Variants in HINT1 observed in about 807,000 individuals in gnomAD.
HINT1 encodes the protein adenosine 5'-monophosphoramidase HINT1.
HINT1 carries 12 observed loss-of-function variants against 11.2 expected under a neutral mutation model. The observed-to-expected ratio is 1.07, with a 90% CI of 0.69 to 1.74. The LOEUF (loss-of-function observed/expected upper bound fraction) is 1.74. HINT1 is among the 40% of genes most tolerant of loss of function. The pLI is 0.00. For missense variants in HINT1, 150 were observed against 161.8 expected (o/e 0.93, Z 0.40); for synonymous variants, 42 against 52.6 (o/e 0.80, Z 0.87).
At chr5:131,162,510 G>T (rs1380395584) in intron 2 of HINT1, 62 bp downstream of exon 2, 13 of 1,605,116 alleles carry the variant, frequency 8.1e-6, no homozygotes, top group African/African-American at 1.3e-5. Context: ...AGCACTTTAA[G>T]GACAAAATTA....
Position 131,165,092 on chromosome 5 carries a change from T to G in HINT1, c.111+3A>C. On this transcript the variant is annotated splice_donor_region_variant and intron_variant, in intron 1 of 2. Coordinates refer to ENST00000304043, the MANE Select transcript of HINT1 (RefSeq NM_005340.7). ...GGCGAGAGAGGTGGTGCCCAGTACCTACCCGGTCATCCTCAAAAATGATTT... is the reference window on the plus strand; with the variant it reads ...GGCGAGAGAGGTGGTGCCCAGTACCGACCCGGTCATCCTCAAAAATGATTT... 1 of 1,613,672 alleles carries G rather than the reference T, an allele frequency of 6.2e-7. No homozygotes were observed. The highest frequency in any genetic ancestry group is 1.1e-5 in the South Asian group (1 of 91,080).
chr5:131,161,678 G>A (rs533491674), intron 2 of HINT1, among the ~76,000 whole-genome samples: 2 of 151,730 alleles, frequency 1.3e-5, no homozygotes, highest in African/African-American at 2.4e-5. Context: ...TTAAGTACTC[G>A]CTCTAATCTT....
rs1755285566 is a variant in HINT1 at position 131,162,612 on chromosome 5, T to C, written c.176A>G (p.His59Arg). The change falls in exon 2 of 3, where the codon CAT (histidine) becomes CGT (arginine). Residue 59 changes from histidine to arginine, a missense_variant. His to Arg is a conservative substitution (Grantham distance 29, BLOSUM62 0). Coordinates refer to ENST00000304043, the MANE Select transcript of HINT1 (RefSeq NM_005340.7). Reference protein sequence around the residue: ...PTHFLVIPKKHISQISVAEDD... With the variant: ...PTHFLVIPKKRISQISVAEDD... ...TTCTGCCACAGAAATCTGGGATATA[T>C]GTTTCTTGGGTATCACCAGAAAATG... The C allele has an allele frequency of 6.2e-7, 1 of 1,613,552 alleles. No individual in the cohort carries two copies. Among genetic ancestry groups the C allele is most frequent in the Non-Finnish European group, 8.5e-7 (1 of 1,179,582 alleles).
At chr5:131,165,062 C>T (rs758841138) in intron 1 of HINT1, 33 bp downstream of exon 1, 3 of 1,613,152 alleles carry the variant, frequency 1.9e-6, no homozygotes, top group South Asian at 1.1e-5. Context: ...ATACCCACCT[C>T]AGCAGGCGAG....
rs140627344 is a variant in HINT1, at chr5:131,164,974, C to T, written c.111+121G>A. On this transcript the variant is annotated intron_variant, in intron 1 of 2. Transcript: ENST00000304043. ...TGGCTGGGGGCCCGCTGGACCAGGG[C>T]AGCCAGGTCCCCTCCCGTCGCCGCT... The T allele has an allele frequency of 2.2e-5, 31 of 1,413,764 alleles. 2 individuals carry two copies. In the South Asian group the frequency reaches 3.7e-4, roughly 17 times the overall value. The allele number at this position is 1,413,764 out of a possible 1,614,324, so 87.6% of individuals were successfully genotyped here. A position where few individuals can be genotyped will look rare whatever the true frequency, so the allele number is the denominator to read the frequency against.
intron 2 of HINT1, chr5:131,162,324 A>G (rs1755274027): frequency 1.3e-6 from 1 of 768,168 alleles, no homozygotes; most frequent in African/African-American, 1.8e-5. Flanking sequence ...GTCTCAAAAA[A>G]AAAAAAAAAA....
chr5:131,163,775 A>T (rs1040382705), intron 1 of HINT1, among the ~76,000 whole-genome samples: 10 of 152,228 alleles, frequency 6.6e-5, no homozygotes, highest in African/African-American at 2.4e-4. Context: ...CTGTAAATAC[A>T]CATATGACAT....
At chr5:131,162,356 G>A (rs754799220) in intron 2 of HINT1, 2 of 885,758 alleles carry the variant, frequency 2.3e-6, no homozygotes, top group South Asian at 2.9e-5. Flanking sequence ...GTGTTGATAA[G>A]GATACGGAGA....
intron 1 of HINT1, among the ~76,000 whole-genome samples, chr5:131,162,954 C>T (rs1355996756): frequency 1.3e-5 from 2 of 152,076 alleles, no homozygotes; most frequent in South Asian, 2.1e-4. Context: ...TCTCTTGCCT[C>T]GGCCTCCCAA....
In HINT1 at chr5:131,159,085, T is replaced by G. The variant is rs7715067; in HGVS notation, c.*362A>C. 9,855 of 160,644 alleles carry G rather than the reference T, an allele frequency of 0.061. 871 individuals are homozygous for G. Among genetic ancestry groups the G allele is most frequent in the African/African-American group, 0.2 (8,294 of 41,786 alleles). The allele number at this position is 160,644 out of a possible 1,614,324, so 10.0% of individuals were successfully genotyped here. A position where few individuals can be genotyped will look rare whatever the true frequency, so the allele number is the denominator to read the frequency against. On this transcript the variant is annotated 3_prime_UTR_variant, in exon 3 of 3. Coordinates refer to ENST00000304043, the MANE Select transcript of HINT1 (RefSeq NM_005340.7). Reference sequence around the variant, plus strand: ...TTGGACCTATTTTAGCCTGGAAAGATATTTCGAAGTTAAAGCTAAATTTAT... The same window carrying G: ...TTGGACCTATTTTAGCCTGGAAAGAGATTTCGAAGTTAAAGCTAAATTTAT...
At chr5:131,164,664 G>A (rs1262921275) in intron 1 of HINT1, among the ~76,000 whole-genome samples, 1 of 152,170 alleles carries the variant, frequency 6.6e-6, no homozygotes, top group African/African-American at 2.4e-5. Context: ...GCTGTGCGCG[G>A]GAGATCGCGG....
rs892299589 is a variant in HINT1 at position 131,159,389 on chromosome 5, T to C, written c.*58A>G. 2.3e-5 allele frequency: 35 copies of C among 1,512,250 alleles called. No individual in the cohort carries two copies. Among genetic ancestry groups the C allele is most frequent in the Non-Finnish European group, 2.6e-5 (29 of 1,101,392 alleles). The allele number at this position is 1,512,250 out of a possible 1,614,324, so 93.7% of individuals were successfully genotyped here. On this transcript the variant is annotated 3_prime_UTR_variant, in exon 3 of 3. Coordinates refer to ENST00000304043, the MANE Select transcript of HINT1 (RefSeq NM_005340.7). ...AAAATAAGTGTGTTACTTAACATAC[T>C]GGAAATTGCCTAACTTAATCATTGC...
intron 2 of HINT1, among the ~76,000 whole-genome samples, chr5:131,160,284 G>A (rs1224577364): frequency 1.3e-5 from 2 of 152,028 alleles, no homozygotes; most frequent in Non-Finnish European, 2.9e-5. Flanking sequence ...CTATTGCATT[G>A]TCGGGACTTG....
intron 2 of HINT1, among the ~76,000 whole-genome samples, chr5:131,160,276 A>G (rs1755217034): frequency 6.6e-6 from 1 of 152,128 alleles, no homozygotes; most frequent in Non-Finnish European, 1.5e-5. Flanking sequence ...TACCAGATCT[A>G]TTGCATTGTC....
chr5:131,165,119 G>T lies in HINT1; in HGVS notation c.87C>A (p.Ala29=). 6.2e-7 allele frequency: 1 copy of T among 1,613,582 alleles called. No homozygotes were observed. ...FGKIIRKEIP[A]KIIFEDDRCL... is the part of the protein sequence containing the mutation. Reference sequence around the variant, plus strand: ...CCCGGTCATCCTCAAAAATGATTTTGGCTGGTATTTCCTTGCGGATGATCT... The same window carrying T: ...CCCGGTCATCCTCAAAAATGATTTTTGCTGGTATTTCCTTGCGGATGATCT... Residue 29 remains alanine (A), a synonymous_variant, in exon 1 of 3, where the codon GCC becomes GCA. Coordinates refer to ENST00000304043, the MANE Select transcript of HINT1 (RefSeq NM_005340.7).
chr5:131,162,532 TA>T, intron 2 of HINT1, 39 bp downstream of exon 2: 2 of 1,608,452 alleles, frequency 1.2e-6, no homozygotes, highest in Non-Finnish European at 8.5e-7. Flanking sequence ...TCTCACAATT[TA>T]AAAAGCAAGA....
chr5:131,163,028 G>A (rs1755297691), intron 1 of HINT1, among the ~76,000 whole-genome samples: 1 of 151,836 alleles, frequency 6.6e-6, no homozygotes, highest in Admixed American at 6.6e-5. Context: ...GTAGAGACGG[G>A]GTTTCACCAT....
At chr5:131,164,060 T>TA (rs1755324616) in intron 1 of HINT1, among the ~76,000 whole-genome samples, 1 of 152,026 alleles carries the variant, frequency 6.6e-6, no homozygotes, top group African/African-American at 2.4e-5. Context: ...TTTTTTTTTT[T>TA]AATTTACCTA....
At chr5:131,165,073 A>G in intron 1 of HINT1, 22 bp downstream of exon 1, 1 of 1,613,464 alleles carries the variant, frequency 6.2e-7, no homozygotes, top group Non-Finnish European at 8.5e-7. Flanking sequence ...AGCAGGCGAG[A>G]GAGGTGGTGC....
Sources: allele counts gnomAD v4.1 joint callset (sites outside exome capture counted in the v4.1 genomes callset), GRCh38; gene constraint gnomAD v4.1.1; transcripts MANE v1.5; gene names NCBI Gene and HGNC (gene_info 2026-07-23, HGNC 2026-07-21).